The following XIRP2 variants were observed in gnomAD, a reference collection of about 807,000 sequenced individuals.
XIRP2 encodes the protein xin actin binding repeat containing 2, also known as xin actin-binding repeat-containing protein 2.
A neutral mutation model predicts 277.0 loss-of-function variants in XIRP2; 236 were observed. The ratio of observed to expected loss-of-function variants is 0.85; its 90% CI spans 0.77 to 0.95. The LOEUF is 0.95. Ranked by LOEUF, XIRP2 falls within the 40% of genes least tolerant of loss-of-function variation. The pLI is 0.00. For synonymous variants in XIRP2, 1,490 were observed against 1,416.5 expected (o/e 1.05, Z -1.17); for missense variants, 4,640 against 4,157.5 (o/e 1.12, Z -3.19).
At chr2:166,999,936 C>A (rs985218579) in intron 2 of XIRP2, among the ~76,000 whole-genome samples, 5 of 151,948 alleles carry the variant, frequency 3.3e-5, no homozygotes, top group Admixed American at 2.6e-4. Flanking sequence ...AATATTTATC[C>A]TGTAGAGAAC....
intron 2 of XIRP2, among the ~76,000 whole-genome samples, chr2:166,975,783 G>A (rs997065852): frequency 1.3e-5 from 2 of 151,718 alleles, no homozygotes; most frequent in East Asian, 1.9e-4. Flanking sequence ...AAAATTAGCC[G>A]GGCGTGGTGG....
intron 2 of XIRP2, among the ~76,000 whole-genome samples, chr2:167,039,821 T>C (rs2105518277): frequency 6.6e-6 from 1 of 152,272 alleles, no homozygotes; most frequent in East Asian, 1.9e-4. Context: ...TGAAAGGCAG[T>C]TTGGTAACGT....
At chr2:167,097,144 G>C (rs963858935) in intron 2 of XIRP2, among the ~76,000 whole-genome samples, 4 of 152,104 alleles carry the variant, frequency 2.6e-5, no homozygotes, top group Non-Finnish European at 5.9e-5. Context: ...TGACAGTGGG[G>C]TGTTAAAGTC....
chr2:167,134,477 T>C (rs1691483891), intron 2 of XIRP2, among the ~76,000 whole-genome samples: 1 of 152,078 alleles, frequency 6.6e-6, no homozygotes, highest in Non-Finnish European at 1.5e-5. Context: ...TTTAGCTGTC[T>C]CTCAAACTTG....
At chr2:167,194,972 A>G (rs1693459488) in intron 3 of XIRP2, among the ~76,000 whole-genome samples, 1 of 152,170 alleles carries the variant, frequency 6.6e-6, no homozygotes, top group Admixed American at 6.5e-5. Flanking sequence ...CATATATTCC[A>G]GGGAGCAAGA....
At chr2:167,018,444 A>C (rs1020262375) in intron 2 of XIRP2, among the ~76,000 whole-genome samples, 9 of 152,084 alleles carry the variant, frequency 5.9e-5, no homozygotes, top group Non-Finnish European at 1.0e-4. Flanking sequence ...AAGGGGGATA[A>C]AGAACAAACA....
chr2:167,164,031 T>G (rs1692450270), intron 3 of XIRP2, among the ~76,000 whole-genome samples: 1 of 152,220 alleles, frequency 6.6e-6, no homozygotes, highest in Admixed American at 6.5e-5. Flanking sequence ...TACTATAGCT[T>G]TATAGTAAAC....
intron 2 of XIRP2, among the ~76,000 whole-genome samples, chr2:167,083,178 C>A (rs1456415055): frequency 1.3e-5 from 2 of 152,110 alleles, no homozygotes; most frequent in Non-Finnish European, 2.9e-5. Flanking sequence ...CCAGTTTTCC[C>A]AGCACCATTT....
At chr2:167,201,740 G>C (rs1693727831) in intron 3 of XIRP2, among the ~76,000 whole-genome samples, 1 of 152,132 alleles carries the variant, frequency 6.6e-6, no homozygotes, top group South Asian at 2.1e-4. Context: ...CTTAGATTAT[G>C]CTGAAGTCAA....
chr2:166,941,426 A>C (rs1229951900), intron 2 of XIRP2, among the ~76,000 whole-genome samples: 3 of 152,266 alleles, frequency 2.0e-5, no homozygotes, highest in Middle Eastern at 3.4e-3. Flanking sequence ...GCTTTGGCTC[A>C]CGCTCAGTGG....
chr2:167,035,027 C>T (rs1159899892), intron 2 of XIRP2, among the ~76,000 whole-genome samples: 3 of 152,146 alleles, frequency 2.0e-5, no homozygotes, highest in Non-Finnish European at 4.4e-5. Flanking sequence ...TTCTCTCTTG[C>T]CACCACCATG....
intron 2 of XIRP2, among the ~76,000 whole-genome samples, chr2:166,947,676 C>T (rs1209492365): frequency 1.3e-5 from 2 of 152,040 alleles, no homozygotes; most frequent in Non-Finnish European, 2.9e-5. Context: ...AATGGAACAA[C>T]CACTTTGGAA....
intron 3 of XIRP2, among the ~76,000 whole-genome samples, chr2:167,191,028 C>T (rs1039089615): frequency 6.6e-6 from 1 of 151,622 alleles, no homozygotes; most frequent in Non-Finnish European, 1.5e-5. Flanking sequence ...ACAAAAAATA[C>T]AAAAAATTAG....
At chr2:166,923,037 G>C (rs1685096713) in intron 2 of XIRP2, among the ~76,000 whole-genome samples, 1 of 151,900 alleles carries the variant, frequency 6.6e-6, no homozygotes, top group Admixed American at 6.6e-5. Flanking sequence ...AAAAAAAAGT[G>C]TAAGTGGCAT....
intron 3 of XIRP2, among the ~76,000 whole-genome samples, chr2:167,143,218 C>A (rs1356558840): frequency 1.3e-5 from 2 of 152,176 alleles, no homozygotes; most frequent in East Asian, 1.9e-4. Context: ...ACAGCCCCTG[C>A]CCCTGAGTAG....
In XIRP2 at chr2:167,246,927, A is replaced by C. The variant is rs374782234; in HGVS notation, c.5535A>C (p.Leu1845=). Residue 1845 remains leucine, a synonymous_variant, in exon 9 of 11, where the codon CTA becomes CTC. Coordinates refer to ENST00000409195, the MANE Select transcript of XIRP2 (RefSeq NM_152381.6). ...TAAAAGGTGATTTGACATCAACCCT[A>C]AATTCCCTCAGCCAGGCTGTAAATC... The part of the protein sequence containing the change: ...EIIKGDLTST[L]NSLSQAVNQK... 1.2e-6 allele frequency: 2 copies of C among 1,613,298 alleles called. No homozygotes were observed. The highest frequency in any genetic ancestry group is 2.7e-5 in the African/African-American group (2 of 74,874).
Position 167,015,462 on chromosome 2 carries a change from C to CT in XIRP2, c.408+111572_408+111573insT, listed in dbSNP as rs60492410. Among the ~76,000 whole-genome samples the CT allele has an allele frequency of 1.5e-4, 23 of 148,864 alleles. No homozygotes were observed. The East Asian group carries it at 5.7e-3, about 37-fold the overall frequency. ...TCTATCTATCTATCTATCTATCTAT[C>CT]ATATTAAACTCATTATCATTCTATG... On this transcript the variant is annotated intron_variant, in intron 2 of 10. Coordinates refer to ENST00000409195, the MANE Select transcript of XIRP2 (RefSeq NM_152381.6).
intron 2 of XIRP2, among the ~76,000 whole-genome samples, chr2:166,957,552 A>G (rs961082398): frequency 6.6e-6 from 1 of 151,840 alleles, no homozygotes; most frequent in Non-Finnish European, 1.5e-5. Context: ...CATCAAATAA[A>G]CATTTTTTAC....
chr2:167,184,571 C>A, intron 3 of XIRP2: 1 of 717,470 alleles, frequency 1.4e-6, no homozygotes, highest in South Asian at 1.5e-5. Flanking sequence ...AGCCCAGATT[C>A]TCAGGCTCCA....
Sources: allele counts gnomAD v4.1 joint callset (sites outside exome capture counted in the v4.1 genomes callset), GRCh38; gene constraint gnomAD v4.1.1; transcripts MANE v1.5; gene names NCBI Gene and HGNC (gene_info 2026-07-23, HGNC 2026-07-21).